The following MYLK4 variants were observed in gnomAD, a reference collection of about 807,000 sequenced individuals.
The protein encoded by MYLK4 is caMLCK like.
A neutral mutation model predicts 48.1 loss-of-function variants in MYLK4; 46 were observed. That is an observed-to-expected ratio of 0.96 (90% CI 0.75 to 1.22). MYLK4 has a LOEUF of 1.22. MYLK4 is among the 50% of genes most tolerant of loss of function. MYLK4 has a pLI of 0.00. For missense variants in MYLK4, 451 were observed against 486.1 expected, an observed-to-expected ratio of 0.93 and a Z score of 0.68; for synonymous variants, 170 against 180.8, an observed-to-expected ratio of 0.94 and a Z score of 0.48.
At chr6:2,728,287 C>G (rs1219562631) in intron 2 of MYLK4, among the ~76,000 whole-genome samples, 4 of 152,198 alleles carry the variant, frequency 2.6e-5, no homozygotes, top group Admixed American at 2.6e-4. Context: ...ATGTAAGACA[C>G]AGGCAGTGCA....
the MYLK4 span, among the ~76,000 whole-genome samples, chr6:2,764,891 TA>T: frequency 6.6e-6 from 1 of 152,218 alleles, no homozygotes; most frequent in Non-Finnish European, 1.5e-5. Context: ...TACTTGTTTG[TA>T]TTTTTTCTGC....
chr6:2,753,673 AATAAT>A (rs1217541511), upstream of MYLK4, among the ~76,000 whole-genome samples: 2 of 9,176 alleles, frequency 2.2e-4, no homozygotes, highest in Non-Finnish European at 0.03. Flanking sequence ...TATACAACTT[AATAAT>A]ATATGACAAA....
At chr6:2,734,902 G>A (rs1171350417) in intron 2 of MYLK4, among the ~76,000 whole-genome samples, 1 of 152,188 alleles carries the variant, frequency 6.6e-6, no homozygotes, top group Non-Finnish European at 1.5e-5. Flanking sequence ...CAGGTTGGAT[G>A]GGGCCCGAGA....
the MYLK4 span, among the ~76,000 whole-genome samples, chr6:2,766,735 C>T: frequency 1.3e-5 from 2 of 152,188 alleles, no homozygotes; most frequent in South Asian, 2.1e-4. Context: ...TTTGATCTGC[C>T]TTTATCTTCC....
chr6:2,770,151 C>T, the MYLK4 span: 13 of 1,614,088 alleles, frequency 8.1e-6, no homozygotes, highest in African/African-American at 5.3e-5. Context: ...GAATGTGGGA[C>T]GATCACTCTG....
intron 2 of MYLK4, among the ~76,000 whole-genome samples, chr6:2,707,189 C>A (rs1762523192): frequency 6.6e-6 from 1 of 152,090 alleles, no homozygotes; most frequent in African/African-American, 2.4e-5. Context: ...GAAAATAGAT[C>A]TAAACTGTGA....
At chr6:2,742,082 T>A (rs551868944) in intron 2 of MYLK4, among the ~76,000 whole-genome samples, 1 of 144,234 alleles carries the variant, frequency 6.9e-6, no homozygotes, top group South Asian at 2.2e-4. Flanking sequence ...TATGATTGCT[T>A]ACTTAAAAAA....
intron 4 of MYLK4, among the ~76,000 whole-genome samples, chr6:2,688,447 AT>A (rs1442489588): frequency 6.6e-6 from 1 of 152,234 alleles, no homozygotes; most frequent in Non-Finnish European, 1.5e-5. Flanking sequence ...GAAATGAATA[AT>A]AGTAATTAAT....
the MYLK4 span, among the ~76,000 whole-genome samples, chr6:2,764,850 A>AGGTGAAATTT: frequency 1.3e-5 from 2 of 152,170 alleles, no homozygotes; most frequent in Non-Finnish European, 2.9e-5. Flanking sequence ...TTCCCTGACC[A>AGGTGAAATTT]CTACTGAGGT....
At chr6:2,701,920 T>C (rs1463415995) in intron 2 of MYLK4, among the ~76,000 whole-genome samples, 2 of 152,232 alleles carry the variant, frequency 1.3e-5, no homozygotes, top group Non-Finnish European at 2.9e-5. Flanking sequence ...AAAATATGTG[T>C]CCCAGCCTCG....
chr6:2,666,657 T>G lies in MYLK4; in HGVS notation c.*1268A>C, dbSNP rs1362212521. The G allele has an allele frequency of 6.6e-6, 1 of 152,248 alleles. No homozygotes were observed. Among genetic ancestry groups the G allele is most frequent in the Non-Finnish European group, 1.5e-5 (1 of 68,046 alleles). The allele number at this position is 152,248 out of a possible 1,614,324, so 9.4% of individuals were successfully genotyped here. On this transcript the variant is annotated 3_prime_UTR_variant, in exon 13 of 13. Transcript: ENST00000274643. The stretch of plus-strand genomic sequence containing the variant: ...AGTTCAGCGGGTAACAGGAATTTTG[T>G]GGGGCTTTTCCTTGCCTCTCCTTCA...
At chr6:2,696,306 T>A (rs1373509465) in intron 2 of MYLK4, among the ~76,000 whole-genome samples, 1 of 152,244 alleles carries the variant, frequency 6.6e-6, no homozygotes, top group African/African-American at 2.4e-5. Flanking sequence ...CATTTCAATT[T>A]ATTCCATTCC....
chr6:2,697,922 C>T (rs567381010), intron 2 of MYLK4, among the ~76,000 whole-genome samples: 19 of 152,328 alleles, frequency 1.2e-4, no homozygotes, highest in Non-Finnish European at 2.5e-4. Flanking sequence ...TGGAATGGCA[C>T]GTTCACTGTG....
At chr6:2,706,127 G>C (rs1762478453) in intron 2 of MYLK4, among the ~76,000 whole-genome samples, 1 of 152,132 alleles carries the variant, frequency 6.6e-6, no homozygotes, top group Non-Finnish European at 1.5e-5. Context: ...TGCAATATAT[G>C]ATCTTTTCTC....
At chr6:2,697,657 A>T (rs1372745475) in intron 2 of MYLK4, among the ~76,000 whole-genome samples, 1 of 152,222 alleles carries the variant, frequency 6.6e-6, no homozygotes, top group Non-Finnish European at 1.5e-5. Flanking sequence ...ATTCCCATTC[A>T]ATAAAAATCA....
chr6:2,770,164 T>C, the MYLK4 span: 3 of 1,614,208 alleles, frequency 1.9e-6, no homozygotes, highest in East Asian at 4.5e-5. Flanking sequence ...TCACTCTGAT[T>C]GGGGCAACCA....
Position 2,683,172 on chromosome 6 carries a change from G to C in MYLK4, c.546-10C>G, listed in dbSNP as rs774525968. The C allele has an allele frequency of 1.2e-5, 20 of 1,613,942 alleles. No homozygotes were observed. In the African/African-American group the frequency reaches 2.3e-4, roughly 18 times the overall value. On this transcript the variant is annotated splice_polypyrimidine_tract_variant and intron_variant, in intron 6 of 12. Transcript: ENST00000274643. The stretch of plus-strand genomic sequence containing the variant: ...CTCCCCACCATCCACACTGCAGAGG[G>C]AAGAGGACTGAAACCCTCAGTCCCG...
intron 2 of MYLK4, among the ~76,000 whole-genome samples, chr6:2,695,129 A>G (rs1762013842): frequency 6.6e-6 from 1 of 152,260 alleles, no homozygotes; most frequent in Admixed American, 6.5e-5. Flanking sequence ...TTGAAAGCAT[A>G]TATCCAAATT....
intron 2 of MYLK4, among the ~76,000 whole-genome samples, chr6:2,724,053 T>C (rs1019269899): frequency 3.3e-5 from 5 of 151,992 alleles, no homozygotes; most frequent in African/African-American, 7.2e-5. Flanking sequence ...AATTTTTGTA[T>C]TTTTAGTAGA....
Sources: gnomAD v4.1 joint callset for allele counts (sites outside exome capture counted in the v4.1 genomes callset) on GRCh38, gnomAD v4.1.1 for gene constraint, MANE v1.5 for transcripts, NCBI Gene and HGNC (gene_info 2026-07-23, HGNC 2026-07-21) for gene names.